MAN1C1: variants seen among roughly 807,000 people sequenced by gnomAD.
MAN1C1 encodes mannosidase alpha class 1C member 1.
Under a neutral mutation model 71.5 loss-of-function variants are expected in MAN1C1, and 49 were observed. That is an observed-to-expected ratio of 0.69 (90% CI 0.54 to 0.87). MAN1C1 has a LOEUF of 0.87. Among genes scored for constraint, MAN1C1 ranks in the 40% least tolerant of loss-of-function variants. The pLI is 0.00. For missense variants in MAN1C1, 743 were observed against 835.0 expected (o/e 0.89, Z 1.36); for synonymous variants, 352 against 343.7 (o/e 1.02, Z -0.27).
rs1246658165 is a variant in MAN1C1 at position 25,634,145 on chromosome 1, G to A, written c.540+15808G>A. ...TTTTTTGGTAGCTTTCTTAGGATCT[G>A]TTATGTATACAATCATGTTGTCTAT... On this transcript the variant is annotated intron_variant, in intron 1 of 11. Transcript: ENST00000374332. This position sits in a 1 kb window ranked among gnomAD's most constrained non-coding sequence, Gnocchi z 4.6. Among the ~76,000 whole-genome samples, 1 of 152,142 alleles carries A rather than the reference G, an allele frequency of 6.6e-6. No individual in the cohort carries two copies. Among genetic ancestry groups the A allele is most frequent in the African/African-American group, 2.4e-5 (1 of 41,424 alleles).
rs753771601 is a variant in MAN1C1 at position 25,735,444 on chromosome 1, GTA to G, written c.638-11214_638-11213del. On this transcript the variant is annotated intron_variant, in intron 2 of 11. Coordinates refer to ENST00000374332, the MANE Select transcript of MAN1C1 (RefSeq NM_020379.4). The surrounding 1 kb of genome is among the most constrained non-coding windows in gnomAD (Gnocchi z 4.6). ...AAAATGTGTATGTATGTATGTGTAT[GTA>G]TATATATATGTGTGTATCTATATAT... Among the ~76,000 whole-genome samples, 5 of 151,854 alleles carry G rather than the reference GTA, an allele frequency of 3.3e-5. No homozygotes were observed. Among genetic ancestry groups the G allele is most frequent in the Non-Finnish European group, 5.9e-5 (4 of 67,950 alleles).
chr1:25,620,756 G>A (rs1206167959), intron 1 of MAN1C1, among the ~76,000 whole-genome samples: 2 of 152,204 alleles, frequency 1.3e-5, no homozygotes, highest in African/African-American at 4.8e-5. Flanking sequence ...TCAGGAGAGA[G>A]AGAAGGTGAT....
At chr1:25,716,445 A>C (rs966020263) in intron 2 of MAN1C1, among the ~76,000 whole-genome samples, 2 of 151,960 alleles carry the variant, frequency 1.3e-5, no homozygotes, top group Non-Finnish European at 2.9e-5. Flanking sequence ...CCATCCTCCC[A>C]CCTCAGCCTT....
At chr1:25,665,593 C>T (rs1373413991) in intron 1 of MAN1C1, among the ~76,000 whole-genome samples, 2 of 152,092 alleles carry the variant, frequency 1.3e-5, no homozygotes, top group Admixed American at 6.5e-5. Flanking sequence ...GTGGACCACA[C>T]GAGACATGAG....
chr1:25,730,371 A>G lies in MAN1C1; in HGVS notation c.638-16297A>G, dbSNP rs943349097. On this transcript the variant is annotated intron_variant, in intron 2 of 11. Transcript: ENST00000374332. This position sits in a 1 kb window ranked among gnomAD's most constrained non-coding sequence, Gnocchi z 4.3. ...TGAATTGACAAAAATGGATTACCAT[A>G]TATTTCTGAAAGCCACACTGCCAAA... Among the ~76,000 whole-genome samples the G allele has an allele frequency of 1.3e-5, 2 of 151,614 alleles. No homozygotes were observed. The highest frequency in any genetic ancestry group is 4.9e-5 in the African/African-American group (2 of 41,224).
intron 2 of MAN1C1, among the ~76,000 whole-genome samples, chr1:25,689,604 G>A (rs2046279802): frequency 6.6e-6 from 1 of 152,174 alleles, no homozygotes; most frequent in Non-Finnish European, 1.5e-5. Flanking sequence ...CCCATGAGGG[G>A]CATTGAAGCT....
At chr1:25,662,922 G>A (rs2124106275) in intron 1 of MAN1C1, among the ~76,000 whole-genome samples, 1 of 151,992 alleles carries the variant, frequency 6.6e-6, no homozygotes, top group Non-Finnish European at 1.5e-5. Flanking sequence ...AGCTGGGTGT[G>A]ATGGCAGGCA....
At chr1:25,704,958 G>A (rs1007426390) in intron 2 of MAN1C1, among the ~76,000 whole-genome samples, 8 of 152,218 alleles carry the variant, frequency 5.3e-5, no homozygotes, top group Non-Finnish European at 7.3e-5. Flanking sequence ...CTTAAAATGC[G>A]TGGGATTTTC....
intron 2 of MAN1C1, among the ~76,000 whole-genome samples, chr1:25,736,328 G>A (rs976543005): frequency 4.6e-5 from 7 of 152,126 alleles, no homozygotes; most frequent in Non-Finnish European, 1.0e-4. Flanking sequence ...AAGCCTGAGG[G>A]TGACTTTCTC....
At chr1:25,650,309 G>T (rs2045673777) in intron 1 of MAN1C1, among the ~76,000 whole-genome samples, 2 of 152,226 alleles carry the variant, frequency 1.3e-5, no homozygotes, top group African/African-American at 2.4e-5. Context: ...TCATGGCTGG[G>T]CTGTGACCTT....
At chr1:25,747,432 G>A (rs2047145654) in intron 3 of MAN1C1, among the ~76,000 whole-genome samples, 1 of 152,228 alleles carries the variant, frequency 6.6e-6, no homozygotes, top group East Asian at 1.9e-4. Flanking sequence ...AGCAAGGCAT[G>A]CATCCCAGAG....
At chr1:25,708,743 G>A (rs574696659) in intron 2 of MAN1C1, among the ~76,000 whole-genome samples, 1 of 152,266 alleles carries the variant, frequency 6.6e-6, no homozygotes, top group East Asian at 1.9e-4. Flanking sequence ...AAATTAGTTG[G>A]GCAGTTGCTG....
rs573220763 is a variant in MAN1C1 at position 25,713,540 on chromosome 1, G to A, written c.637+27004G>A. 2.0e-5 allele frequency among the ~76,000 whole-genome samples: 3 copies of A among 152,334 alleles called. No individual in the cohort carries two copies. In the South Asian group the frequency reaches 6.2e-4, roughly 32 times the overall value. ...ACGACAGTGCACAATCTAGGCACAG[G>A]CTCTTGAAAGCAGCTCTCTGGAGGC... On this transcript the variant is annotated intron_variant, in intron 2 of 11. Transcript: ENST00000374332.
At chr1:25,688,142 A>T (rs2046260521) in intron 2 of MAN1C1, among the ~76,000 whole-genome samples, 1 of 152,146 alleles carries the variant, frequency 6.6e-6, no homozygotes, top group Non-Finnish European at 1.5e-5. Flanking sequence ...TTGTGCATAA[A>T]ATTTTGTCTT....
rs554083209 is a variant in MAN1C1 at position 25,765,179 on chromosome 1, A to G, written c.1141+1212A>G. Among the ~76,000 whole-genome samples, 5 of 152,352 alleles carry G rather than the reference A, an allele frequency of 3.3e-5. 1 individual carries two copies. Among genetic ancestry groups the G allele is most frequent in the African/African-American group, 1.2e-4 (5 of 41,596 alleles). ...GATAACAGCCAGTCACCCATGGAAC[A>G]TCATTCACAAGCCCCCAGCCCTACC... On this transcript the variant is annotated intron_variant, in intron 7 of 11. Transcript: ENST00000374332.
At chr1:25,636,192 A>G (rs1024136881) in intron 1 of MAN1C1, among the ~76,000 whole-genome samples, 4 of 152,234 alleles carry the variant, frequency 2.6e-5, no homozygotes, top group Non-Finnish European at 4.4e-5. Flanking sequence ...TCAGCTGTGC[A>G]CGTATTGTCT....
intron 1 of MAN1C1, among the ~76,000 whole-genome samples, chr1:25,675,520 A>G (rs1365725430): frequency 7.0e-6 from 1 of 143,828 alleles, no homozygotes; most frequent in Non-Finnish European, 1.5e-5. Context: ...GTATCTTTGC[A>G]ATTGCAAATT....
chr1:25,697,762 G>T lies in MAN1C1; in HGVS notation c.637+11226G>T, dbSNP rs201909458. Among the ~76,000 whole-genome samples, 13 of 152,274 alleles carry T rather than the reference G, an allele frequency of 8.5e-5. No individual in the cohort carries two copies. In the East Asian group the frequency reaches 1.9e-3, roughly 23 times the overall value. On this transcript the variant is annotated intron_variant, in intron 2 of 11. Transcript: ENST00000374332. ...AATACACCTAGGATTTGAATTGCTG[G>T]GTCATACTGTATTGGTATGTTAAGT... is the stretch of plus-strand genomic sequence containing the variant.
intron 1 of MAN1C1, among the ~76,000 whole-genome samples, chr1:25,624,853 T>A (rs1413407479): frequency 6.6e-6 from 1 of 152,200 alleles, no homozygotes; most frequent in Admixed American, 6.5e-5. Flanking sequence ...AGCGATGTCC[T>A]GTTGGGGCTG....
Sources: gnomAD v4.1 joint callset for allele counts (sites outside exome capture counted in the v4.1 genomes callset) on GRCh38, gnomAD v4.1.1 for gene constraint, Gnocchi (gnomAD v3.1) non-coding constraint, MANE v1.5 for transcripts, NCBI Gene and HGNC (gene_info 2026-07-23, HGNC 2026-07-21) for gene names.